Variants in CPQ observed in about 807,000 individuals in gnomAD.
CPQ encodes Ser-Met dipeptidase.
In CPQ, 37 loss-of-function variants were observed where a neutral mutation model predicts 45.7. The observed-to-expected ratio is 0.81, with a 90% CI of 0.62 to 1.07. CPQ has a LOEUF of 1.07. Ranked by LOEUF, CPQ falls within the 50% of genes least tolerant of loss-of-function variation. CPQ has a pLI of 0.00. For missense variants in CPQ, 537 were observed against 572.9 expected (o/e 0.94, Z 0.64); for synonymous variants, 186 against 205.8 (o/e 0.90, Z 0.82).
chr8:96,878,495 A>G (rs1812177767), intron 3 of CPQ, among the ~76,000 whole-genome samples: 1 of 152,202 alleles, frequency 6.6e-6, no homozygotes, highest in African/African-American at 2.4e-5. Context: ...TTTGTAGAAG[A>G]CACCCCTGAA....
chr8:96,959,952 C>A (rs1393706242), intron 4 of CPQ, among the ~76,000 whole-genome samples: 2 of 148,094 alleles, frequency 1.4e-5, no homozygotes, highest in Non-Finnish European at 3.0e-5. Flanking sequence ...TTTGATTGAG[C>A]AAGATATTTG....
chr8:96,713,247 C>T (rs1809636619), intron 1 of CPQ, among the ~76,000 whole-genome samples: 2 of 152,224 alleles, frequency 1.3e-5, no homozygotes, highest in South Asian at 2.1e-4. Flanking sequence ...AACTTTTCCA[C>T]ATTTTCCTGT....
chr8:97,036,585 A>G (rs975287862), intron 6 of CPQ, among the ~76,000 whole-genome samples: 1 of 152,222 alleles, frequency 6.6e-6, no homozygotes, highest in Non-Finnish European at 1.5e-5. Context: ...TCTGCTTTTC[A>G]TGGGAATAAT....
intron 3 of CPQ, among the ~76,000 whole-genome samples, chr8:96,849,617 C>T (rs1401386622): frequency 6.6e-6 from 1 of 152,180 alleles, no homozygotes; most frequent in Non-Finnish European, 1.5e-5. Context: ...GGAAGTATGA[C>T]AGAAAGGAAG....
intron 1 of CPQ, among the ~76,000 whole-genome samples, chr8:96,660,082 G>A (rs1233869251): frequency 6.6e-6 from 1 of 152,178 alleles, no homozygotes; most frequent in East Asian, 1.9e-4. Flanking sequence ...CATAGTGCAT[G>A]TACCTACTGT....
chr8:97,062,927 G>GTAAACAT (rs1439929366), intron 6 of CPQ, among the ~76,000 whole-genome samples: 3 of 152,100 alleles, frequency 2.0e-5, no homozygotes, highest in African/African-American at 7.2e-5. Flanking sequence ...TAGTGCTGCA[G>GTAAACAT]TAAACATACA....
At chr8:97,004,688 T>C (rs1304315474) in intron 5 of CPQ, among the ~76,000 whole-genome samples, 1 of 152,066 alleles carries the variant, frequency 6.6e-6, no homozygotes, top group African/African-American at 2.4e-5. Context: ...ACTTCATCCT[T>C]AAAAGGAATA....
chr8:97,109,091 C>T (rs1243945841), intron 7 of CPQ, among the ~76,000 whole-genome samples: 1 of 152,170 alleles, frequency 6.6e-6, no homozygotes, highest in Non-Finnish European at 1.5e-5. Context: ...CTTGTACATC[C>T]TGAACCTACT....
chr8:97,065,660 G>T (rs1810623543), intron 6 of CPQ, among the ~76,000 whole-genome samples: 1 of 152,182 alleles, frequency 6.6e-6, no homozygotes, highest in Non-Finnish European at 1.5e-5. Context: ...TGCCACATAG[G>T]AGGAATTGTA....
At chr8:96,760,919 A>G (rs184690401) in intron 1 of CPQ, 4 of 152,340 alleles carry the variant, frequency 2.6e-5, no homozygotes, top group Admixed American at 6.5e-5. Context: ...AGGCAAAAAT[A>G]TGGAACTTGT....
chr8:97,128,062 G>A (rs148542814), intron 7 of CPQ, among the ~76,000 whole-genome samples: 1 of 152,348 alleles, frequency 6.6e-6, no homozygotes, highest in Non-Finnish European at 1.5e-5. Context: ...TATACACTTA[G>A]AATGAGTATT....
chr8:96,856,569 A>G (rs1811854136), intron 3 of CPQ, among the ~76,000 whole-genome samples: 1 of 152,196 alleles, frequency 6.6e-6, no homozygotes. Flanking sequence ...CAGCCTCAGT[A>G]TCCAGAAGAG....
intron 2 of CPQ, among the ~76,000 whole-genome samples, chr8:96,831,009 C>T (rs1333433958): frequency 6.6e-6 from 1 of 152,130 alleles, no homozygotes; most frequent in Non-Finnish European, 1.5e-5. Context: ...TTCTCTGCAC[C>T]TCAGTCTCTT....
chr8:96,711,297 T>C (rs1233179951), intron 1 of CPQ, among the ~76,000 whole-genome samples: 2 of 152,172 alleles, frequency 1.3e-5, no homozygotes, highest in African/African-American at 4.8e-5. Flanking sequence ...TCTGTATCTT[T>C]TAAGTGGAGC....
intron 1 of CPQ, among the ~76,000 whole-genome samples, chr8:96,777,748 ATATATATATATATTTTTTTTTTTTTTTTT>A (rs1810629937): frequency 8.8e-5 from 1 of 11,364 alleles, no homozygotes; most frequent in African/African-American, 4.0e-4. Context: ...ATATATATAT[ATATATATATATATTTTTTTTTTTTTTTTT>A]TTTTTTTTTT....
intron 1 of CPQ, among the ~76,000 whole-genome samples, chr8:96,682,169 G>A (rs2464486): frequency 6.6e-6 from 1 of 151,864 alleles, no homozygotes; most frequent in Non-Finnish European, 1.5e-5. Context: ...GAGGGGCCAG[G>A]GCAGAATGAT....
chr8:96,675,720 A>G (rs548658926), intron 1 of CPQ, among the ~76,000 whole-genome samples: 1 of 152,166 alleles, frequency 6.6e-6, no homozygotes, highest in South Asian at 2.1e-4. Context: ...AAAACTTAGT[A>G]ATGTGATGGA....
intron 4 of CPQ, among the ~76,000 whole-genome samples, chr8:96,912,292 CA>C (rs1812674810): frequency 6.6e-6 from 1 of 152,176 alleles, no homozygotes; most frequent in African/African-American, 2.4e-5. Flanking sequence ...GTTTTCACTT[CA>C]GGTTACTTTC....
At chr8:97,071,836 A>G (rs1454758277) in intron 7 of CPQ, among the ~76,000 whole-genome samples, 1 of 152,140 alleles carries the variant, frequency 6.6e-6, no homozygotes. Flanking sequence ...TAATTTGGCC[A>G]TTTGACCACT....
Sources: allele counts gnomAD v4.1 joint callset (sites outside exome capture counted in the v4.1 genomes callset), GRCh38; gene constraint gnomAD v4.1.1; transcripts MANE v1.5; gene names NCBI Gene and HGNC (gene_info 2026-07-23, HGNC 2026-07-21).